Variants in ZNF43 observed in about 807,000 individuals in gnomAD.
ZNF43 encodes zinc finger protein 39-like 1 (KOX 27).
ZNF43 carries 44 observed loss-of-function variants against 68.4 expected under a neutral mutation model. That is an observed-to-expected ratio of 0.64 (90% CI 0.51 to 0.83). ZNF43 has a LOEUF of 0.83. Ranked by LOEUF, ZNF43 falls within the 40% of genes least tolerant of loss-of-function variation. ZNF43 has a pLI of 0.00. For synonymous variants in ZNF43, 308 were observed against 307.8 expected, an observed-to-expected ratio of 1.00 and a Z score of -0.01; for missense variants, 896 against 933.2, an observed-to-expected ratio of 0.96 and a Z score of 0.52.
At chr19:21,825,365 CATTATTAGTT>C (rs2038064049) in intron 1 of ZNF43, among the ~76,000 whole-genome samples, 1 of 152,072 alleles carries the variant, frequency 6.6e-6, no homozygotes, top group African/African-American at 2.4e-5. Context: ...TCCAGTGTGA[CATTATTAGTT>C]TAGTTTATAG....
chr19:21,833,368 G>A (rs569717367), intron 1 of ZNF43, among the ~76,000 whole-genome samples: 10 of 152,286 alleles, frequency 6.6e-5, no homozygotes, highest in Admixed American at 5.2e-4. Flanking sequence ...CCAGGTTCAA[G>A]CGATTCTCCT....
In ZNF43 at chr19:21,805,641, A is replaced by C. The variant is rs2036906269; in HGVS notation, c.*1966T>G. ...CAAAAAAAAAAACCAAACAAACAAA[A>C]AAAATTATGAATAGCACAAAGAATA... On this transcript the variant is annotated 3_prime_UTR_variant, in exon 4 of 4. Coordinates refer to ENST00000354959, the MANE Select transcript of ZNF43 (RefSeq NM_003423.4). 6.6e-6 allele frequency: 1 copy of C among 152,088 alleles called. No individual in the cohort carries two copies. Among genetic ancestry groups the C allele is most frequent in the South Asian group, 2.1e-4 (1 of 4,832 alleles). The allele number at this position is 152,088 out of a possible 1,614,324, so 9.4% of individuals were successfully genotyped here.
At position 21,815,486 on chromosome 19, in the gene ZNF43, C is replaced by CATATAT. The variant is rs58951070; in HGVS notation, c.229+2396_229+2401dup. On this transcript the variant is annotated intron_variant, in intron 3 of 3. Coordinates refer to ENST00000354959, the MANE Select transcript of ZNF43 (RefSeq NM_003423.4). The stretch of plus-strand genomic sequence containing the variant: ...AAAGAATAGCCTTACAACTAAATTA[C>CATATAT]ATATATATATATATATATATATTTT... Among the ~76,000 whole-genome samples the CATATAT allele has an allele frequency of 8.3e-3, 1,154 of 139,540 alleles. 26 individuals are homozygous for CATATAT. Among genetic ancestry groups the CATATAT allele is most frequent in the African/African-American group, 0.031 (1,099 of 35,922 alleles). 91.5% of individuals were successfully genotyped at this position (139,540 alleles called of 152,430 possible). A position where few individuals can be genotyped will look rare whatever the true frequency, so the allele number is the denominator to read the frequency against.
upstream of ZNF43, chr19:21,836,195 A>G: frequency 1.3e-6 from 2 of 1,516,304 alleles, no homozygotes; most frequent in Non-Finnish European, 1.8e-6. Flanking sequence ...AGGCCCCGCC[A>G]CATCCCGGAA....
intron 1 of ZNF43, among the ~76,000 whole-genome samples, chr19:21,820,572 T>C (rs968375308): frequency 6.7e-6 from 1 of 148,222 alleles, no homozygotes; most frequent in African/African-American, 2.5e-5. Context: ...AGAAAGACTC[T>C]GTCTCAAAAA....
chr19:21,847,548 T>C (rs1014688126), intron 1 of ZNF43, among the ~76,000 whole-genome samples: 6 of 151,938 alleles, frequency 3.9e-5, no homozygotes, highest in African/African-American at 1.4e-4. Context: ...AATACAAAAA[T>C]TAGCTGGGTG....
chr19:21,827,653 C>T (rs909969441), intron 1 of ZNF43, among the ~76,000 whole-genome samples: 7 of 141,934 alleles, frequency 4.9e-5, no homozygotes, highest in African/African-American at 1.4e-4. Context: ...TGAGCTACTG[C>T]GCCTGGCCAT....
At chr19:21,820,944 C>T (rs1025182610) in intron 1 of ZNF43, among the ~76,000 whole-genome samples, 6 of 150,996 alleles carry the variant, frequency 4.0e-5, no homozygotes, top group African/African-American at 1.5e-4. Flanking sequence ...AGCAATTCTC[C>T]TGCCTCAGCC....
At chr19:21,823,271 T>C (rs1450237795) in intron 1 of ZNF43, among the ~76,000 whole-genome samples, 1 of 152,102 alleles carries the variant, frequency 6.6e-6, no homozygotes, top group Non-Finnish European at 1.5e-5. Context: ...TTAATGGCCA[T>C]AAGAAATGGT....
rs2036963041 is a variant in ZNF43, at chr19:21,806,792, A to G, written c.*815T>C. On this transcript the variant is annotated 3_prime_UTR_variant, in exon 4 of 4. Transcript: ENST00000354959. ...GTGTTGTTTTCTGTACTTAGCACTG[A>G]TTTAGTGTAATGTCTGAAGTGTCCG... 6.6e-6 allele frequency: 1 copy of G among 152,176 alleles called. No individual in the cohort carries two copies. Among genetic ancestry groups the G allele is most frequent in the Non-Finnish European group, 1.5e-5 (1 of 68,022 alleles). 9.4% of individuals were successfully genotyped at this position (152,176 alleles called of 1,614,324 possible). A position where few individuals can be genotyped will look rare whatever the true frequency, so the allele number is the denominator to read the frequency against.
chr19:21,847,778 A>C (rs1221519152), intron 1 of ZNF43, among the ~76,000 whole-genome samples: 1 of 152,168 alleles, frequency 6.6e-6, no homozygotes, highest in Non-Finnish European at 1.5e-5. Context: ...GGCAGGGTCC[A>C]GAGAAAAGGT....
In ZNF43 at chr19:21,809,047, A is replaced by G; in HGVS notation, c.990T>C (p.Thr330=). Residue 330 remains threonine, a synonymous_variant, in exon 4 of 4, where the codon ACT becomes ACC. Coordinates refer to ENST00000354959, the MANE Select transcript of ZNF43 (RefSeq NM_003423.4). Reference sequence around the variant, plus strand: ...CTCCAGTATGAATTCTCTTATGTTTAGTAAGAGTTGAGGGCCAGTTAAAGG... The same window carrying G: ...CTCCAGTATGAATTCTCTTATGTTTGGTAAGAGTTGAGGGCCAGTTAAAGG... ...GKAFNWPSTL[T]KHKRIHTGEK... 6.2e-7 allele frequency: 1 copy of G among 1,613,354 alleles called. No individual in the cohort carries two copies. Among genetic ancestry groups the G allele is most frequent in the Non-Finnish European group, 8.5e-7 (1 of 1,179,692 alleles).
chr19:21,828,633 C>T (rs956096318), intron 1 of ZNF43, among the ~76,000 whole-genome samples: 2 of 152,000 alleles, frequency 1.3e-5, no homozygotes, highest in African/African-American at 4.8e-5. Flanking sequence ...AGGAGAATCA[C>T]TTGAACCCAG....
Position 21,809,742 on chromosome 19 carries a change from C to T in ZNF43, c.295G>A (p.Ala99Thr), listed in dbSNP as rs1568348175. 1.2e-6 allele frequency: 2 copies of T among 1,604,932 alleles called. No individual in the cohort carries two copies. The change falls in exon 4 of 4, where the codon GCG becomes ACG. Residue 99 changes from alanine to threonine, a missense_variant. Physicochemically the swap from Ala to Thr is moderately conservative, Grantham distance 58. Coordinates refer to ENST00000354959, the MANE Select transcript of ZNF43 (RefSeq NM_003423.4). ...CAGTTTTTATATCTTCTCAGTGTCGCTTTTTGGAAAGGATCTTTTATATGC... is the reference window on the plus strand; with the variant it reads ...CAGTTTTTATATCTTCTCAGTGTCGTTTTTTGGAAAGGATCTTTTATATGC... Reference protein sequence around the residue: ...EQHIKDPFQKATLRRYKNCEH... With the variant: ...EQHIKDPFQKTTLRRYKNCEH...
upstream of ZNF43, among the ~76,000 whole-genome samples, chr19:21,837,621 T>G (rs1967213722): frequency 6.6e-6 from 1 of 151,968 alleles, no homozygotes; most frequent in Non-Finnish European, 1.5e-5. Flanking sequence ...TTTATTCAGA[T>G]TACTCGATAA....
At chr19:21,831,876 A>G (rs979124960) in intron 1 of ZNF43, among the ~76,000 whole-genome samples, 2 of 152,210 alleles carry the variant, frequency 1.3e-5, no homozygotes, top group African/African-American at 4.8e-5. Flanking sequence ...AACTGCTTCA[A>G]AAAGTAAGAG....
intron 3 of ZNF43, among the ~76,000 whole-genome samples, chr19:21,813,313 A>G (rs1375632560): frequency 6.6e-6 from 1 of 152,152 alleles, no homozygotes; most frequent in African/African-American, 2.4e-5. Flanking sequence ...CAAAAATCTC[A>G]TTTATGAATC....
upstream of ZNF43, chr19:21,840,477 T>C (rs1215707218): frequency 1.3e-5 from 2 of 152,236 alleles, no homozygotes; most frequent in African/African-American, 2.4e-5. Flanking sequence ...GATACATCCA[T>C]GAGAGCCTCA....
intron 3 of ZNF43, 32 bp downstream of exon 3, chr19:21,817,856 T>C: frequency 6.3e-7 from 1 of 1,589,458 alleles, no homozygotes; most frequent in Non-Finnish European, 8.6e-7. Context: ...TTCTCATCTG[T>C]GTTTGTTGTA....
Sources: gnomAD v4.1 joint callset for allele counts (sites outside exome capture counted in the v4.1 genomes callset) on GRCh38, gnomAD v4.1.1 for gene constraint, MANE v1.5 for transcripts, NCBI Gene and HGNC (gene_info 2026-07-23, HGNC 2026-07-21) for gene names.